EMILIN2: variants seen among roughly 807,000 people sequenced by gnomAD.
The protein encoded by EMILIN2 is elastin microfibril interfacer 2, also known as EMILIN-2.
A neutral mutation model predicts 87.1 loss-of-function variants in EMILIN2; 71 were observed. The observed-to-expected ratio is 0.82, with a 90% confidence interval of 0.67 to 0.99. EMILIN2 has a LOEUF of 0.99. EMILIN2 is among the 50% of genes least tolerant of loss of function. The pLI is 0.00. For missense variants in EMILIN2, 1,407 were observed against 1,371.8 expected (o/e 1.03, Z -0.40); for synonymous variants, 581 against 563.4 (o/e 1.03, Z -0.44).
rs75094311 is a variant in EMILIN2, at chr18:2,888,338, C to T, written c.434-2223C>T. 5.7e-3 allele frequency among the ~76,000 whole-genome samples: 870 copies of T among 152,218 alleles called. 7 individuals carry two copies. Among genetic ancestry groups the T allele is most frequent in the African/African-American group, 0.019 (795 of 41,528 alleles). ...ACATCCTCAATCTTCCCCCCTTTGC[C>T]GCCCTTTGTTTTTATTTCCTTTGCT... On this transcript the variant is annotated intron_variant, in intron 3 of 7. Coordinates refer to ENST00000254528, the MANE Select transcript of EMILIN2 (RefSeq NM_032048.3).
chr18:2,868,602 C>G (rs1191301558), intron 2 of EMILIN2, among the ~76,000 whole-genome samples: 1 of 152,338 alleles, frequency 6.6e-6, no homozygotes, highest in African/African-American at 2.4e-5. Context: ...GAGACCAGCC[C>G]GGCCAACACA....
chr18:2,885,705 A>G (rs1417634980), intron 3 of EMILIN2, among the ~76,000 whole-genome samples: 1 of 151,974 alleles, frequency 6.6e-6, no homozygotes, highest in African/African-American at 2.4e-5. Context: ...TTTGGTAGAG[A>G]TGGGGTTTCA....
chr18:2,909,910 C>T (rs1333555835), intron 7 of EMILIN2, 91 bp downstream of exon 7: 9 of 1,555,984 alleles, frequency 5.8e-6, no homozygotes, highest in African/African-American at 2.8e-5. Context: ...TTCCCAGCGT[C>T]CCGTGGGCTC....
intron 2 of EMILIN2, among the ~76,000 whole-genome samples, chr18:2,883,555 T>C (rs1258883686): frequency 1.3e-5 from 2 of 152,240 alleles, no homozygotes; most frequent in Non-Finnish European, 2.9e-5. Context: ...TGTGTGGCTG[T>C]GGCTTTTGCC....
At position 2,891,075 on chromosome 18, in the gene EMILIN2, C is replaced by G. The variant is rs1313832430; in HGVS notation, c.948C>G (p.Ala316=). ...VTMTTNELYQ[A]YVDSKIDALR... ...TGACAACCAACGAACTCTACCAAGC[C>G]TATGTGGACAGTAAGATCGACGCCC... Residue 316 remains alanine, a synonymous_variant, in exon 4 of 8, where the codon GCC becomes GCG. Coordinates refer to ENST00000254528, the MANE Select transcript of EMILIN2 (RefSeq NM_032048.3). The surrounding 1 kb of genome is among the most constrained non-coding windows in gnomAD (Gnocchi z 4.6). The G allele has an allele frequency of 6.2e-7, 1 of 1,614,084 alleles. No individual in the cohort carries two copies. Among genetic ancestry groups the G allele is most frequent in the African/African-American group, 1.3e-5 (1 of 74,936 alleles).
intron 2 of EMILIN2, among the ~76,000 whole-genome samples, chr18:2,884,362 G>A (rs980968317): frequency 6.6e-6 from 1 of 152,024 alleles, no homozygotes; most frequent in African/African-American, 2.4e-5. Context: ...AACAATTCTC[G>A]TGCCTCAGCG....
In EMILIN2 at chr18:2,858,601, ATGTG is replaced by A. The variant is rs1555665474; in HGVS notation, c.257+10672_257+10675del. Among the ~76,000 whole-genome samples, 43 of 103,506 alleles carry A rather than the reference ATGTG, an allele frequency of 4.2e-4. 4 individuals are homozygous for A. The highest frequency in any genetic ancestry group is 1.2e-3 in the African/African-American group (21 of 17,562). The allele number at this position is 103,506 out of a possible 152,430, so 67.9% of individuals were successfully genotyped here. A position where few individuals can be genotyped will look rare whatever the true frequency, so the allele number is the denominator to read the frequency against. ...TGTGTGTGTATATATATATATATAT[ATGTG>A]TATATATATATATGTTCCACAGTTT... On this transcript the variant is annotated intron_variant, in intron 2 of 7. Coordinates refer to ENST00000254528, the MANE Select transcript of EMILIN2 (RefSeq NM_032048.3).
intron 3 of EMILIN2, among the ~76,000 whole-genome samples, chr18:2,885,549 C>T (rs900846995): frequency 5.3e-5 from 8 of 152,144 alleles, no homozygotes; most frequent in East Asian, 1.9e-4. Flanking sequence ...GATGGAGTCT[C>T]GCTCTGTCGC....
intron 6 of EMILIN2, 142 bp downstream of exon 6, chr18:2,909,117 G>A (rs375665626): frequency 9.3e-7 from 1 of 1,072,700 alleles, no homozygotes; most frequent in Non-Finnish European, 1.4e-6. Context: ...ACCAGCACTG[G>A]GACAGCCCTC....
At chr18:2,888,149 G>A (rs1246342690) in intron 3 of EMILIN2, among the ~76,000 whole-genome samples, 4 of 152,022 alleles carry the variant, frequency 2.6e-5, no homozygotes, top group Non-Finnish European at 5.9e-5. Flanking sequence ...ATCTTTTCCT[G>A]TTAAATTTTT....
intron 7 of EMILIN2, among the ~76,000 whole-genome samples, chr18:2,910,703 G>A (rs1028816266): frequency 1.3e-4 from 20 of 152,194 alleles, no homozygotes; most frequent in African/African-American, 3.9e-4. Context: ...GAGGGAGGGG[G>A]ACTTGGTTTC....
chr18:2,868,205 G>A (rs1176358645), intron 2 of EMILIN2, among the ~76,000 whole-genome samples: 8 of 152,078 alleles, frequency 5.3e-5, no homozygotes, highest in African/African-American at 7.2e-5. Context: ...CAGATGGGGC[G>A]GCGGGGCAGA....
At chr18:2,846,709 C>A (rs1412179650), upstream of EMILIN2, 2 of 978,176 alleles carry the variant, frequency 2.0e-6, no homozygotes, top group Non-Finnish European at 2.4e-6. This position sits in a 1 kb window ranked among gnomAD's most constrained non-coding sequence, Gnocchi z 5.3. Context: ...CGACGGCGGC[C>A]GCGTCCCGGG....
At position 2,891,195 on chromosome 18, in the gene EMILIN2, T is replaced by C. The variant is rs771223651; in HGVS notation, c.1068T>C (p.Asp356=). The C allele has an allele frequency of 2.0e-4, 321 of 1,614,018 alleles. No individual in the cohort carries two copies. The highest frequency in any genetic ancestry group is 3.3e-4 in the Middle Eastern group (2 of 6,084). ...YKLTGLQQQC[D]DYGSSYLGVI... ...TCACTGGCCTCCAGCAGCAGTGTGA[T>C]GACTATGGGAGCAGCTACCTGGGAG... The change falls in exon 4 of 8, where the codon GAT becomes GAC. Residue 356 remains aspartate, a synonymous_variant. Coordinates refer to ENST00000254528, the MANE Select transcript of EMILIN2 (RefSeq NM_032048.3). This position sits in a 1 kb window ranked among gnomAD's most constrained non-coding sequence, Gnocchi z 4.6.
chr18:2,884,178 G>C (rs190275968), intron 2 of EMILIN2, among the ~76,000 whole-genome samples: 30 of 152,236 alleles, frequency 2.0e-4, no homozygotes, highest in African/African-American at 6.0e-4. Context: ...GGATGGTCTC[G>C]ATCTCCTGAC....
intron 2 of EMILIN2, among the ~76,000 whole-genome samples, chr18:2,849,120 T>C (rs566900212): frequency 6.6e-6 from 1 of 152,320 alleles, no homozygotes; most frequent in South Asian, 2.1e-4. Flanking sequence ...GTTGGATACA[T>C]TGTCAGAGAG....
At chr18:2,909,022 GGCCTCTGCCCCTCCTCTGCATCTCCT>G in intron 6 of EMILIN2, 47 bp downstream of exon 6, 1 of 1,609,390 alleles carries the variant, frequency 6.2e-7, no homozygotes, top group Non-Finnish European at 8.5e-7. Flanking sequence ...TCTCCTTGGT[GGCCTCTGCCCCTCCTCTGCATCTCCT>G]GCCTCCTCCC....
rs2076956262 is a variant in EMILIN2 at position 2,914,362 on chromosome 18, T to TG, written c.*958_*959insG. On this transcript the variant is annotated 3_prime_UTR_variant, in exon 8 of 8. Transcript: ENST00000254528. Reference sequence around the variant, plus strand: ...CAGATCCCACAGCAGCTGCCCAGGCTAACTTGATCCCTGCTGCTTCACTGC... The same window carrying TG: ...CAGATCCCACAGCAGCTGCCCAGGCTGAACTTGATCCCTGCTGCTTCACTGC... 3 of 152,228 alleles carry TG rather than the reference T, an allele frequency of 2.0e-5. No individual in the cohort carries two copies. Among genetic ancestry groups the TG allele is most frequent in the Non-Finnish European group, 4.4e-5 (3 of 68,060 alleles). The allele number at this position is 152,228 out of a possible 1,614,324, so 9.4% of individuals were successfully genotyped here.
chr18:2,885,386 A>G (rs1478391306), intron 3 of EMILIN2, among the ~76,000 whole-genome samples: 1 of 152,212 alleles, frequency 6.6e-6, no homozygotes, highest in Non-Finnish European at 1.5e-5. Flanking sequence ...CTTAAACATC[A>G]GGGTAGGAAA....
Sources: gnomAD v4.1 joint callset for allele counts (sites outside exome capture counted in the v4.1 genomes callset) on GRCh38, gnomAD v4.1.1 for gene constraint, Gnocchi (gnomAD v3.1) non-coding constraint, MANE v1.5 for transcripts, NCBI Gene and HGNC (gene_info 2026-07-23, HGNC 2026-07-21) for gene names.